PRSS23: variants seen among roughly 807,000 people sequenced by gnomAD.
PRSS23 encodes the protein protease, serine 23.
PRSS23 carries 25 observed loss-of-function variants against 34.7 expected under a neutral mutation model. The ratio of observed to expected loss-of-function variants is 0.72; its 90% CI spans 0.53 to 1.01. The LOEUF (loss-of-function observed/expected upper bound fraction) is 1.01, where lower values mean the gene tolerates loss of function less well. Ranked by LOEUF, PRSS23 falls within the 50% of genes least tolerant of loss-of-function variation. The pLI, the probability that PRSS23 is intolerant of heterozygous loss-of-function variation, is 0.00. For missense variants in PRSS23, 445 were observed against 475.6 expected, an observed-to-expected ratio of 0.94 and a Z score of 0.60; for synonymous variants, 176 against 186.6, an observed-to-expected ratio of 0.94 and a Z score of 0.46.
rs115711795 is a variant in PRSS23, at chr11:86,906,880, C to A, written c.207-44336C>A. 4.7e-3 allele frequency among the ~76,000 whole-genome samples: 717 copies of A among 152,260 alleles called. 11 individuals carry two copies. The highest frequency in any genetic ancestry group is 0.017 in the African/African-American group (695 of 41,556). ...CAAATTAAGGCACCGAGAAATTAAA[C>A]AGTGCCTGAACAGCAATAAGCAGTA... On this transcript the variant is annotated intron_variant, in intron 2 of 2. Transcript: ENST00000533902.
intron 2 of PRSS23, among the ~76,000 whole-genome samples, chr11:86,928,132 T>TTAC (rs1367181522): frequency 6.8e-6 from 1 of 148,020 alleles, no homozygotes; most frequent in Non-Finnish European, 1.5e-5. Context: ...ATATGTATTA[T>TTAC]ATACTTATAA....
At chr11:86,878,727 G>T (rs1006404328) in intron 2 of PRSS23, among the ~76,000 whole-genome samples, 3 of 142,938 alleles carry the variant, frequency 2.1e-5, no homozygotes, top group Non-Finnish European at 4.6e-5. Flanking sequence ...GCCGCCCATC[G>T]TCTGGGACGT....
At chr11:86,871,871 A>G (rs529495392) in intron 2 of PRSS23, among the ~76,000 whole-genome samples, 99 of 152,370 alleles carry the variant, frequency 6.5e-4, no homozygotes, top group African/African-American at 2.3e-3. Context: ...ACATGTACAC[A>G]GGCCAGATAG....
intron 2 of PRSS23, among the ~76,000 whole-genome samples, chr11:86,845,282 A>G (rs1048023841): frequency 2.0e-5 from 3 of 152,216 alleles, no homozygotes; most frequent in African/African-American, 4.8e-5. Context: ...AATACTCAGT[A>G]CTTACTTAGA....
Position 86,899,413 on chromosome 11 carries a change from G to C in PRSS23, c.207-51803G>C, listed in dbSNP as rs554670438. Among the ~76,000 whole-genome samples the C allele has an allele frequency of 2.1e-4, 32 of 152,216 alleles. No individual in the cohort carries two copies. The East Asian group carries it at 5.8e-3, about 28-fold the overall frequency. On this transcript the variant is annotated intron_variant, in intron 2 of 2. Transcript: ENST00000533902. ...TCGCACCTGTAGTCCCAGCTACTTGGGGGGCAGAGGCGAGAGGATCACCTG... is the reference window on the plus strand; with the variant it reads ...TCGCACCTGTAGTCCCAGCTACTTGCGGGGCAGAGGCGAGAGGATCACCTG...
chr11:86,944,909 T>C (rs970904589), intron 2 of PRSS23, among the ~76,000 whole-genome samples: 29 of 152,186 alleles, frequency 1.9e-4, no homozygotes, highest in African/African-American at 7.0e-4. Context: ...AGGGTGGTAT[T>C]CAAGTGAAGC....
exon 3 of PRSS23, chr11:86,952,135 A>T: frequency 6.2e-7 from 1 of 1,613,316 alleles, no homozygotes; most frequent in Non-Finnish European, 8.5e-7. Context: ...ATAAGCCAGC[A>T]TCATAGCCAC....
At chr11:86,813,440 T>C (rs1259208691), downstream of PRSS23, among the ~76,000 whole-genome samples, 1 of 152,214 alleles carries the variant, frequency 6.6e-6, no homozygotes, top group East Asian at 1.9e-4. Context: ...CCAGCTCATA[T>C]AGAAATTAAG....
chr11:86,922,228 T>C (rs1188590876), intron 2 of PRSS23: 1 of 152,204 alleles, frequency 6.6e-6, no homozygotes, highest in African/African-American at 2.4e-5. Flanking sequence ...CCTGAGACAA[T>C]ACTGACCAAG....
intron 1 of PRSS23, among the ~76,000 whole-genome samples, chr11:86,804,516 A>G (rs973066544): frequency 6.6e-6 from 1 of 152,262 alleles, no homozygotes; most frequent in African/African-American, 2.4e-5. Context: ...AATAGAAATT[A>G]GGACTTATTA....
chr11:86,816,566 C>T (rs1037744919), intron 1 of PRSS23, among the ~76,000 whole-genome samples: 1 of 152,188 alleles, frequency 6.6e-6, no homozygotes, highest in African/African-American at 2.4e-5. Flanking sequence ...GCTCCACCCC[C>T]AGTTCCCTGA....
At position 86,866,749 on chromosome 11, in the gene PRSS23, C is replaced by T. The variant is rs1948652139; in HGVS notation, c.206+43156C>T. Among the ~76,000 whole-genome samples, 4 of 152,172 alleles carry T rather than the reference C, an allele frequency of 2.6e-5. No homozygotes were observed. In the South Asian group the frequency reaches 8.3e-4, roughly 32 times the overall value. ...TCCCTCATGAATAGATTGATGCCCTCTCTTGGGTGTGAGTGAGTTCTTACT... is the reference window on the plus strand; with the variant it reads ...TCCCTCATGAATAGATTGATGCCCTTTCTTGGGTGTGAGTGAGTTCTTACT... On this transcript the variant is annotated intron_variant, in intron 2 of 2. Coordinates refer to the PRSS23 transcript ENST00000533902.
At chr11:86,832,387 G>C (rs1948365476) in intron 2 of PRSS23, among the ~76,000 whole-genome samples, 1 of 152,242 alleles carries the variant, frequency 6.6e-6, no homozygotes, top group African/African-American at 2.4e-5. Flanking sequence ...CTCTGTGATA[G>C]TATTTTTCAT....
At chr11:86,878,411 C>T (rs1187420753) in intron 2 of PRSS23, among the ~76,000 whole-genome samples, 14 of 152,130 alleles carry the variant, frequency 9.2e-5, no homozygotes, top group African/African-American at 1.7e-4. Flanking sequence ...TGCAGGCGCG[C>T]GCCGCCACGC....
intron 2 of PRSS23, chr11:86,933,904 T>G (rs896880308): frequency 6.6e-6 from 1 of 152,184 alleles, no homozygotes; most frequent in African/African-American, 2.4e-5. Flanking sequence ...GACGAGATCA[T>G]TGGATTATAT....
chr11:86,898,903 G>T (rs1948893386), intron 2 of PRSS23, among the ~76,000 whole-genome samples: 1 of 152,110 alleles, frequency 6.6e-6, no homozygotes, highest in African/African-American at 2.4e-5. Flanking sequence ...TTTGTTTGTG[G>T]CACAGAGTTA....
intron 2 of PRSS23, among the ~76,000 whole-genome samples, chr11:86,880,044 G>A (rs1165639658): frequency 1.3e-5 from 2 of 152,030 alleles, no homozygotes; most frequent in African/African-American, 2.4e-5. Flanking sequence ...TCGGATGGTT[G>A]CCGTGTCTGT....
intron 2 of PRSS23, among the ~76,000 whole-genome samples, chr11:86,880,738 A>T (rs768476277): frequency 6.6e-6 from 1 of 152,226 alleles, no homozygotes; most frequent in Non-Finnish European, 1.5e-5. Context: ...GAGTGAGAAC[A>T]TGCAGCATTT....
intron 2 of PRSS23, among the ~76,000 whole-genome samples, chr11:86,886,810 G>C (rs1168520763): frequency 1.3e-5 from 2 of 151,930 alleles, no homozygotes; most frequent in Non-Finnish European, 2.9e-5. Flanking sequence ...ATGGTGGTGG[G>C]CACCTGTAAT....
Sources: allele counts gnomAD v4.1 joint callset (sites outside exome capture counted in the v4.1 genomes callset), GRCh38; gene constraint gnomAD v4.1.1; transcripts MANE v1.5; gene names NCBI Gene and HGNC (gene_info 2026-07-23, HGNC 2026-07-21).